Variants in GLE1 observed in about 807,000 individuals in gnomAD.
GLE1 encodes the protein mRNA export factor GLE1.
GLE1 carries 78 observed loss-of-function variants against 97.3 expected under a neutral mutation model. The observed-to-expected ratio is 0.80, with a 90% CI of 0.67 to 0.97. The LOEUF is 0.97. GLE1 is among the 50% of genes least tolerant of loss of function. The pLI, the probability that GLE1 is intolerant of heterozygous loss-of-function variation, is 0.00. For missense variants in GLE1, 753 were observed against 857.5 expected, an observed-to-expected ratio of 0.88 and a Z score of 1.52; for synonymous variants, 302 against 313.4, an observed-to-expected ratio of 0.96 and a Z score of 0.39.
At chr9:128,520,565 G>T (rs1847125044) in intron 3 of GLE1, among the ~76,000 whole-genome samples, 1 of 151,766 alleles carries the variant, frequency 6.6e-6, no homozygotes, top group African/African-American at 2.4e-5. Context: ...TTAGCCGGTA[G>T]CTCCGTTTTC....
chr9:128,520,412 A>ATATATATG (rs915119901), intron 3 of GLE1, among the ~76,000 whole-genome samples: 3 of 144,624 alleles, frequency 2.1e-5, no homozygotes, highest in African/African-American at 7.7e-5. Context: ...GTATATATGT[A>ATATATATG]TATATATGTA....
intron 2 of GLE1, 140 bp downstream of exon 2, chr9:128,509,237 A>G: frequency 1.4e-6 from 1 of 698,480 alleles, no homozygotes; most frequent in Non-Finnish European, 2.6e-6. Flanking sequence ...CAATGTTGAC[A>G]GCACCATTCA....
At chr9:128,513,158 C>G (rs1397294909) in intron 2 of GLE1, among the ~76,000 whole-genome samples, 2 of 151,992 alleles carry the variant, frequency 1.3e-5, no homozygotes, top group Non-Finnish European at 2.9e-5. Context: ...TTGGAATCAC[C>G]TAGATCTAGG....
At chr9:128,510,681 A>G (rs1228731108) in intron 2 of GLE1, among the ~76,000 whole-genome samples, 1 of 150,760 alleles carries the variant, frequency 6.6e-6, no homozygotes, top group African/African-American at 2.4e-5. Flanking sequence ...GGTGTGCGCC[A>G]CCATGCCTGG....
chr9:128,523,197 C>A, intron 4 of GLE1, 83 bp from the exon 5 acceptor site: 3 of 1,000,056 alleles, frequency 3.0e-6, no homozygotes, highest in Non-Finnish European at 4.8e-6. Flanking sequence ...GAAGGGAGGG[C>A]AGGGAGAGGG....
intron 6 of GLE1, 106 bp downstream of exon 6, chr9:128,523,952 G>A (rs1847227495): frequency 9.6e-7 from 1 of 1,041,016 alleles, no homozygotes; most frequent in Non-Finnish European, 1.5e-6. Context: ...TGCTTATTGG[G>A]GGAAATACCA....
chr9:128,537,242 C>T (rs1847738317), intron 12 of GLE1, among the ~76,000 whole-genome samples: 1 of 151,744 alleles, frequency 6.6e-6, no homozygotes, highest in African/African-American at 2.4e-5. Context: ...CACCTAAGGT[C>T]AGGAGTTCAA....
At chr9:128,529,402 C>G (rs1233948729) in intron 9 of GLE1, among the ~76,000 whole-genome samples, 2 of 152,170 alleles carry the variant, frequency 1.3e-5, no homozygotes, top group African/African-American at 4.8e-5. Flanking sequence ...TGCCCTTGTT[C>G]CCTTTCCTTC....
chr9:128,508,542 T>C (rs1846709542), intron 1 of GLE1, among the ~76,000 whole-genome samples: 1 of 152,258 alleles, frequency 6.6e-6, no homozygotes, highest in South Asian at 2.1e-4. Flanking sequence ...TGACTGACAT[T>C]CTACTGATTG....
intron 1 of GLE1, among the ~76,000 whole-genome samples, chr9:128,507,594 A>T (rs1301761060): frequency 6.6e-6 from 1 of 150,640 alleles, no homozygotes; most frequent in Non-Finnish European, 1.5e-5. Context: ...TCAAAAAAAA[A>T]AAAAAAAAAA....
At position 128,542,198 on chromosome 9, in the gene GLE1, G is replaced by A. The variant is rs1168076268; in HGVS notation, c.*1028G>A. On this transcript the variant is annotated 3_prime_UTR_variant, in exon 16 of 16. Coordinates refer to ENST00000309971, the MANE Select transcript of GLE1 (RefSeq NM_001003722.2). ...TGTGTTTGTGGGGGAGTGTTCACTG[G>A]TACTCTTGAGTGGCCTGAAGTGACC... 1.3e-5 allele frequency: 2 copies of A among 152,136 alleles called. No homozygotes were observed. Among genetic ancestry groups the A allele is most frequent in the Non-Finnish European group, 2.9e-5 (2 of 68,026 alleles). The allele number at this position is 152,136 out of a possible 1,614,324, so 9.4% of individuals were successfully genotyped here. A position where few individuals can be genotyped will look rare whatever the true frequency, so the allele number is the denominator to read the frequency against.
intron 9 of GLE1, among the ~76,000 whole-genome samples, chr9:128,528,109 A>G (rs1283845532): frequency 9.1e-5 from 11 of 120,274 alleles, no homozygotes; most frequent in Admixed American, 5.0e-4. Flanking sequence ...ACGCTGTTCT[A>G]TTCTCCTCCC....
chr9:128,509,486 C>G (rs1027712543), intron 2 of GLE1, among the ~76,000 whole-genome samples: 56 of 151,842 alleles, frequency 3.7e-4, no homozygotes, highest in African/African-American at 1.3e-3. Context: ...AGATTTTACC[C>G]TATTCCTGGC....
At position 128,523,279 on chromosome 9, in the gene GLE1, G is replaced by A; in HGVS notation, c.582-1G>A. ...ATTCCTCCCTGCCATTTTTCATGCA[G>A]CTCCAGAGAAGCCTTGGGACACCAA... On this transcript the variant is annotated splice_acceptor_variant, in intron 4 of 15. Coordinates refer to ENST00000309971, the MANE Select transcript of GLE1 (RefSeq NM_001003722.2). LOFTEE classifies it high-confidence loss of function. 1.9e-6 allele frequency: 3 copies of A among 1,608,888 alleles called. No homozygotes were observed. Among genetic ancestry groups the A allele is most frequent in the South Asian group, 1.1e-5 (1 of 91,012 alleles).
chr9:128,525,499 G>A (rs1406843406), intron 7 of GLE1, 76 bp downstream of exon 7: 1 of 976,454 alleles, frequency 1.0e-6, no homozygotes, highest in Non-Finnish European at 1.6e-6. Flanking sequence ...TGTTTTGAAT[G>A]TTGTGTTAAA....
chr9:128,534,680 GATGTAATAAT>G (rs1847639056), intron 11 of GLE1, among the ~76,000 whole-genome samples: 1 of 151,712 alleles, frequency 6.6e-6, no homozygotes, highest in African/African-American at 2.4e-5. Context: ...GTATTCTACA[GATGTAATAAT>G]ATGTAATAAT....
intron 6 of GLE1, among the ~76,000 whole-genome samples, chr9:128,524,469 C>A (rs1381319826): frequency 6.6e-6 from 1 of 151,642 alleles, no homozygotes; most frequent in Non-Finnish European, 1.5e-5. Flanking sequence ...AAGTGATCCT[C>A]CCACCTTAGC....
chr9:128,515,817 T>C (rs911041926), intron 3 of GLE1, among the ~76,000 whole-genome samples, 178 bp downstream of exon 3: 7 of 152,212 alleles, frequency 4.6e-5, no homozygotes, highest in African/African-American at 4.8e-5. Context: ...TGGTTTCAGA[T>C]CCTGGCTGTT....
rs914370236 is a variant in GLE1 at position 128,532,037 on chromosome 9, C to CT, written c.1313-1463dup. 3.5e-3 allele frequency among the ~76,000 whole-genome samples: 492 copies of CT among 141,974 alleles called. 2 individuals are homozygous for CT. Among genetic ancestry groups the CT allele is most frequent in the East Asian group, 6.7e-3 (33 of 4,956 alleles). 93.1% of individuals were successfully genotyped at this position (141,974 alleles called of 152,430 possible). On this transcript the variant is annotated intron_variant, in intron 9 of 15. Coordinates refer to ENST00000309971, the MANE Select transcript of GLE1 (RefSeq NM_001003722.2). ...CAGCCAGTGGGGTCCACATGGTTGG[C>CT]TTTTTTTTTTTTTGATAAGAGAACT...
Sources: gnomAD v4.1 joint callset for allele counts (sites outside exome capture counted in the v4.1 genomes callset) on GRCh38, gnomAD v4.1.1 for gene constraint, MANE v1.5 for transcripts, NCBI Gene and HGNC (gene_info 2026-07-23, HGNC 2026-07-21) for gene names.